Variants in MAGI2 observed in about 807,000 individuals in gnomAD.
The protein encoded by MAGI2 is membrane-associated guanylate kinase, WW and PDZ domain-containing protein 2.
A neutral mutation model predicts 133.3 loss-of-function variants in MAGI2; 35 were observed. The ratio of observed to expected loss-of-function variants is 0.26; its 90% CI spans 0.20 to 0.35. The LOEUF is 0.35. Ranked by LOEUF, MAGI2 falls within the 10% of genes least tolerant of loss-of-function variation. MAGI2 has a pLI of 1.00. For synonymous variants in MAGI2, 729 were observed against 710.6 expected, an observed-to-expected ratio of 1.03 and a Z score of -0.41; for missense variants, 1,636 against 1,863.4, an observed-to-expected ratio of 0.88 and a Z score of 2.25.
chr7:79,037,318 C>CT (rs1336102130), intron 1 of MAGI2, among the ~76,000 whole-genome samples: 1 of 152,112 alleles, frequency 6.6e-6, no homozygotes, highest in Non-Finnish European at 1.5e-5. Flanking sequence ...CATAATTATA[C>CT]TTCTGGTCAT....
intron 9 of MAGI2, among the ~76,000 whole-genome samples, chr7:78,260,296 A>G (rs930038121): frequency 2.0e-5 from 3 of 152,190 alleles, no homozygotes; most frequent in Non-Finnish European, 4.4e-5. Context: ...CACCTGGTAT[A>G]TGTCATCTGA....
intron 20 of MAGI2, among the ~76,000 whole-genome samples, chr7:78,104,245 T>C (rs576111789): frequency 9.9e-5 from 15 of 151,982 alleles, no homozygotes; most frequent in Non-Finnish European, 1.5e-4. Flanking sequence ...TTCAACAAGA[T>C]GGAGTCTCGC....
intron 1 of MAGI2, among the ~76,000 whole-genome samples, chr7:79,448,258 T>C (rs377313975): frequency 1.3e-5 from 2 of 152,064 alleles, no homozygotes; most frequent in East Asian, 3.8e-4. Context: ...ATATTATTCT[T>C]CAAATAAATT....
intron 1 of MAGI2, among the ~76,000 whole-genome samples, chr7:79,338,044 C>A (rs185969407): frequency 1.7e-4 from 26 of 151,946 alleles, no homozygotes; most frequent in African/African-American, 5.8e-4. Flanking sequence ...GTTTGGCATG[C>A]GGTAAATGCT....
chr7:78,472,848 C>T (rs1791360441), intron 6 of MAGI2, among the ~76,000 whole-genome samples: 1 of 152,082 alleles, frequency 6.6e-6, no homozygotes, highest in Non-Finnish European at 1.5e-5. Context: ...GGAGAGGAAG[C>T]TGGTGAGCAT....
intron 21 of MAGI2, among the ~76,000 whole-genome samples, chr7:78,074,776 A>T (rs1247120181): frequency 1.3e-5 from 2 of 152,182 alleles, no homozygotes; most frequent in East Asian, 3.9e-4. Context: ...TCATGATATA[A>T]TCTATTTGAT....
At chr7:78,057,999 A>ATGTGTGTGTGTGTGTGTGTGTGTGCGTG (rs762405456) in intron 21 of MAGI2, among the ~76,000 whole-genome samples, 1 of 108,582 alleles carries the variant, frequency 9.2e-6, no homozygotes, top group African/African-American at 3.6e-5. Context: ...ATATATATAT[A>ATGTGTGTGTGTGTGTGTGTGTGTGCGTG]TATATGTATG....
chr7:79,167,609 C>T (rs1268394885), intron 1 of MAGI2, among the ~76,000 whole-genome samples: 3 of 152,004 alleles, frequency 2.0e-5, no homozygotes, highest in East Asian at 3.9e-4. Flanking sequence ...GAAATAAGTA[C>T]CCTCACAAAG....
At chr7:79,153,359 C>T (rs562556602) in intron 1 of MAGI2, among the ~76,000 whole-genome samples, 13 of 152,228 alleles carry the variant, frequency 8.5e-5, no homozygotes, top group South Asian at 4.2e-4. Flanking sequence ...CCTCATGGAG[C>T]GCACAGTTAA....
At chr7:78,988,752 C>T (rs1805495756) in intron 2 of MAGI2, among the ~76,000 whole-genome samples, 1 of 151,986 alleles carries the variant, frequency 6.6e-6, no homozygotes, top group African/African-American at 2.4e-5. Context: ...GTGTAATCAC[C>T]CCTCAGTGGA....
At chr7:78,968,683 A>G (rs111242129) in intron 2 of MAGI2, among the ~76,000 whole-genome samples, 57 of 152,176 alleles carry the variant, frequency 3.7e-4, no homozygotes, top group African/African-American at 1.3e-3. Flanking sequence ...GTTAAATTCC[A>G]AAAGAAGTCA....
At chr7:78,585,993 C>T (rs553081103) in intron 3 of MAGI2, among the ~76,000 whole-genome samples, 46 of 152,248 alleles carry the variant, frequency 3.0e-4, no homozygotes, top group Admixed American at 3.3e-4. Context: ...TTTACCCTCT[C>T]CTTTCTATTT....
chr7:79,362,392 A>T (rs1842426826), intron 1 of MAGI2, among the ~76,000 whole-genome samples: 1 of 152,106 alleles, frequency 6.6e-6, no homozygotes, highest in Admixed American at 6.5e-5. Flanking sequence ...TCTAAAAAGA[A>T]ATCTTCAGGC....
chr7:78,826,073 C>T (rs1444477871), intron 2 of MAGI2, among the ~76,000 whole-genome samples: 1 of 152,048 alleles, frequency 6.6e-6, no homozygotes, highest in Admixed American at 6.6e-5. Flanking sequence ...TATTAATAGG[C>T]CAGGCACGGT....
chr7:78,575,054 C>T lies in MAGI2; in HGVS notation c.538+52066G>A, dbSNP rs111641128. On this transcript the variant is annotated intron_variant, in intron 3 of 21. Transcript: ENST00000354212. ...GCAGTTTCTAATGTTTTTAATTTCA[C>T]TGAGTGAGAACTGATTGCCCACTGG... Among the ~76,000 whole-genome samples, 42 of 152,242 alleles carry T rather than the reference C, an allele frequency of 2.8e-4. No individual in the cohort carries two copies. In the South Asian group the frequency reaches 4.1e-3, roughly 15 times the overall value.
At chr7:78,386,818 G>C (rs2151304760) in intron 6 of MAGI2, among the ~76,000 whole-genome samples, 1 of 152,272 alleles carries the variant, frequency 6.6e-6, no homozygotes, top group South Asian at 2.1e-4. Context: ...CAAACGGAGA[G>C]CTTTAGAGGG....
chr7:78,473,559 A>G (rs1791441803), intron 6 of MAGI2, among the ~76,000 whole-genome samples: 1 of 152,064 alleles, frequency 6.6e-6, no homozygotes, highest in Non-Finnish European at 1.5e-5. Context: ...GGTATGACGT[A>G]CTTCTTCAGC....
chr7:78,859,416 G>C (rs486229), intron 2 of MAGI2, among the ~76,000 whole-genome samples: 142,257 of 150,424 alleles, frequency 0.95, 67,677 homozygotes, highest in Non-Finnish European at 1. Context: ...CCTTCAGGAG[G>C]TCTTTTAGGG....
chr7:79,115,319 T>C (rs1041667653), intron 1 of MAGI2, among the ~76,000 whole-genome samples: 1 of 152,222 alleles, frequency 6.6e-6, no homozygotes, highest in Non-Finnish European at 1.5e-5. Flanking sequence ...CATATTCACA[T>C]TACCAAAGGA....
Sources: gnomAD v4.1 joint callset for allele counts (sites outside exome capture counted in the v4.1 genomes callset) on GRCh38, gnomAD v4.1.1 for gene constraint, MANE v1.5 for transcripts, NCBI Gene and HGNC (gene_info 2026-07-23, HGNC 2026-07-21) for gene names.